SDCCAG8: variants seen among roughly 807,000 people sequenced by gnomAD.
SDCCAG8 encodes SHH signaling and ciliogenesis regulator SDCCAG8.
In SDCCAG8, 74 loss-of-function variants were observed where a neutral mutation model predicts 101.8. The observed-to-expected ratio is 0.73, with a 90% confidence interval of 0.60 to 0.88. The LOEUF (loss-of-function observed/expected upper bound fraction) is 0.88, where lower values mean the gene tolerates loss of function less well. Among genes scored for constraint, SDCCAG8 ranks in the 40% least tolerant of loss-of-function variants. SDCCAG8 has a pLI of 0.00. For missense variants in SDCCAG8, 787 were observed against 822.6 expected, an observed-to-expected ratio of 0.96 and a Z score of 0.53; for synonymous variants, 281 against 292.9, an observed-to-expected ratio of 0.96 and a Z score of 0.41.
At chr1:243,391,662 C>T (rs2147944737) in intron 13 of SDCCAG8, among the ~76,000 whole-genome samples, 1 of 152,320 alleles carries the variant, frequency 6.6e-6, no homozygotes, top group East Asian at 1.9e-4. Flanking sequence ...AGTGAATAAG[C>T]AGGGCATCCC....
chr1:243,491,089 C>T (rs1666293304), intron 17 of SDCCAG8, among the ~76,000 whole-genome samples: 1 of 152,228 alleles, frequency 6.6e-6, no homozygotes, highest in Non-Finnish European at 1.5e-5. Flanking sequence ...GAGCACACGG[C>T]AGCTTCCTTT....
In SDCCAG8 at chr1:243,270,218, G is replaced by C. The variant is rs149928402; in HGVS notation, c.181G>C (p.Ala61Pro). Residue 61 changes from alanine to proline, a missense_variant, in exon 2 of 18, where the codon GCC becomes CCC. Physicochemically the swap from Ala to Pro is conservative, Grantham distance 27. Transcript: ENST00000366541. The stretch of plus-strand genomic sequence containing the variant: ...TAGCACCAGTGTGGGAAATGAGGAC[G>C]CCAGGACAGCCTGGCCCGAATTACA... ...SFSTSVGNED[A>P]RTAWPELQQS... The C allele has an allele frequency of 6.2e-7, 1 of 1,614,006 alleles. No individual in the cohort carries two copies. The highest frequency in any genetic ancestry group is 8.5e-7 in the Non-Finnish European group (1 of 1,180,022).
In SDCCAG8 at chr1:243,412,552, CATT is replaced by C. The variant is rs2080257531; in HGVS notation, c.1617-3147_1617-3145del. On this transcript the variant is annotated intron_variant, in intron 13 of 17. Transcript: ENST00000366541. ...TACAAACTGGTAAACTTTCTTAAAACATTATGAGATTTTTTTTGTGTGATTTTC... is the reference window on the plus strand; with the variant it reads ...TACAAACTGGTAAACTTTCTTAAAACATGAGATTTTTTTTGTGTGATTTTC... Among the ~76,000 whole-genome samples the C allele has an allele frequency of 2.6e-5, 4 of 152,010 alleles. No individual in the cohort carries two copies. In the South Asian group the frequency reaches 8.3e-4, roughly 32 times the overall value.
chr1:243,426,315 A>C, intron 15 of SDCCAG8, 112 bp from the exon 16 acceptor site: 1 of 922,652 alleles, frequency 1.1e-6, no homozygotes, highest in Middle Eastern at 3.3e-4. Flanking sequence ...AGTTTTCATT[A>C]TGCTATCATG....
Position 243,307,341 on chromosome 1 carries a change from C to T in SDCCAG8, c.741-648C>T, listed in dbSNP as rs1181648973. On this transcript the variant is annotated intron_variant, in intron 7 of 17. Coordinates refer to ENST00000366541, the MANE Select transcript of SDCCAG8 (RefSeq NM_006642.5). ...ATGTTTCCAGCTAATAGCTACTACC[C>T]CTGAAATCTTATGACTGGCAAGTTC... 4.1e-6 allele frequency: 4 copies of T among 976,222 alleles called. No homozygotes were observed. In the East Asian group the frequency reaches 4.6e-4, roughly 112 times the overall value. 60.5% of individuals were successfully genotyped at this position (976,222 alleles called of 1,614,324 possible).
chr1:243,310,519 T>A (rs1461900156), intron 8 of SDCCAG8, among the ~76,000 whole-genome samples: 1 of 151,950 alleles, frequency 6.6e-6, no homozygotes, highest in Non-Finnish European at 1.5e-5. Context: ...GTTTAAAGGC[T>A]CAGATACAAT....
chr1:243,488,802 G>A (rs1665660305), intron 16 of SDCCAG8, among the ~76,000 whole-genome samples: 1 of 152,060 alleles, frequency 6.6e-6, no homozygotes, highest in Non-Finnish European at 1.5e-5. Context: ...TACTGAGATG[G>A]CTCCCAGTTC....
chr1:243,350,362 C>A (rs2076013459), intron 12 of SDCCAG8, among the ~76,000 whole-genome samples: 1 of 152,054 alleles, frequency 6.6e-6, no homozygotes, highest in African/African-American at 2.4e-5. Flanking sequence ...GAGCACGCCA[C>A]CACCCCCAGC....
intron 9 of SDCCAG8, among the ~76,000 whole-genome samples, chr1:243,321,633 A>G (rs2073765619): frequency 6.6e-6 from 1 of 152,080 alleles, no homozygotes; most frequent in African/African-American, 2.4e-5. Flanking sequence ...TCTGCCATTT[A>G]TGGGCACCTA....
chr1:243,425,161 C>A (rs2081258595), intron 15 of SDCCAG8, among the ~76,000 whole-genome samples: 1 of 152,010 alleles, frequency 6.6e-6, no homozygotes, highest in Non-Finnish European at 1.5e-5. Context: ...ATGAGATAAT[C>A]CATGCTCTCA....
At chr1:243,296,636 G>A (rs1252565922) in intron 6 of SDCCAG8, among the ~76,000 whole-genome samples, 3 of 132,152 alleles carry the variant, frequency 2.3e-5, no homozygotes, top group Admixed American at 9.4e-5. Context: ...TCCGCCTTCC[G>A]GGTTCACGCC....
intron 13 of SDCCAG8, among the ~76,000 whole-genome samples, chr1:243,380,693 TG>T (rs1472955444): frequency 6.6e-6 from 1 of 152,042 alleles, no homozygotes; most frequent in Non-Finnish European, 1.5e-5. Context: ...TTTTTTTTTT[TG>T]TTGAGCTTTA....
intron 16 of SDCCAG8, among the ~76,000 whole-genome samples, chr1:243,426,895 T>A (rs2148044717): frequency 6.6e-6 from 1 of 152,312 alleles, no homozygotes; most frequent in East Asian, 1.9e-4. Flanking sequence ...AGAAATTAGA[T>A]TTTATATGCT....
At chr1:243,322,187 A>T (rs2073812970) in intron 9 of SDCCAG8, among the ~76,000 whole-genome samples, 1 of 152,196 alleles carries the variant, frequency 6.6e-6, no homozygotes, top group Non-Finnish European at 1.5e-5. Context: ...TTTTAAGAAA[A>T]GAAAAGGCTT....
intron 12 of SDCCAG8, among the ~76,000 whole-genome samples, chr1:243,363,154 T>A (rs942443142): frequency 3.9e-5 from 6 of 152,232 alleles, no homozygotes; most frequent in Admixed American, 2.0e-4. Flanking sequence ...GCCTATGACC[T>A]GCAGCTTCCT....
intron 16 of SDCCAG8, among the ~76,000 whole-genome samples, chr1:243,430,490 G>C (rs1375694322): frequency 6.6e-6 from 1 of 151,976 alleles, no homozygotes; most frequent in African/African-American, 2.4e-5. Context: ...TGTCGCCCAG[G>C]CTGGAGTGCA....
chr1:243,500,062 A>G lies in SDCCAG8; in HGVS notation c.*277A>G. 4.5e-6 allele frequency: 2 copies of G among 445,668 alleles called. No homozygotes were observed. Among genetic ancestry groups the G allele is most frequent in the East Asian group, 6.5e-5 (2 of 30,678 alleles). 27.6% of individuals were successfully genotyped at this position (445,668 alleles called of 1,614,324 possible). A position where few individuals can be genotyped will look rare whatever the true frequency, so the allele number is the denominator to read the frequency against. Reference sequence around the variant, plus strand: ...CTCATTCGTATGCTAGGTTATACATATGATTTTCAATAAATGAACTTTTTA... The same window carrying G: ...CTCATTCGTATGCTAGGTTATACATGTGATTTTCAATAAATGAACTTTTTA... On this transcript the variant is annotated 3_prime_UTR_variant, in exon 18 of 18. Coordinates refer to ENST00000366541, the MANE Select transcript of SDCCAG8 (RefSeq NM_006642.5).
chr1:243,418,954 A>G lies in SDCCAG8; in HGVS notation c.1853+878A>G, dbSNP rs529068490. Among the ~76,000 whole-genome samples, 37 of 152,294 alleles carry G rather than the reference A, an allele frequency of 2.4e-4. No homozygotes were observed. The South Asian group carries it at 6.2e-3, about 26-fold the overall frequency. ...ATTTTTCTGAAACTCACATAGATCT[A>G]TTGAGAGCAGGAAATATGGCTCAGC... On this transcript the variant is annotated intron_variant, in intron 15 of 17. Coordinates refer to ENST00000366541, the MANE Select transcript of SDCCAG8 (RefSeq NM_006642.5).
chr1:243,440,496 G>C (rs1372966080), intron 16 of SDCCAG8, among the ~76,000 whole-genome samples: 1 of 152,156 alleles, frequency 6.6e-6, no homozygotes, highest in Non-Finnish European at 1.5e-5. Context: ...CACTTTGCCT[G>C]TCGGAGAGCC....
Sources: allele counts gnomAD v4.1 joint callset (sites outside exome capture counted in the v4.1 genomes callset), GRCh38; gene constraint gnomAD v4.1.1; transcripts MANE v1.5; gene names NCBI Gene and HGNC (gene_info 2026-07-23, HGNC 2026-07-21).